PDE1C: variants seen among roughly 807,000 people sequenced by gnomAD.
PDE1C encodes dual specificity calcium/calmodulin-dependent 3',5'-cyclic nucleotide phosphodiesterase 1C.
Under a neutral mutation model 93.1 loss-of-function variants are expected in PDE1C, and 62 were observed. The ratio of observed to expected loss-of-function variants is 0.67; its 90% confidence interval spans 0.54 to 0.82. PDE1C has a LOEUF of 0.82. Ranked by LOEUF, PDE1C falls within the 40% of genes least tolerant of loss-of-function variation. The pLI is 0.00. For synonymous variants in PDE1C, 325 were observed against 310.1 expected, an observed-to-expected ratio of 1.05 and a Z score of -0.50; for missense variants, 742 against 884.6, an observed-to-expected ratio of 0.84 and a Z score of 2.04.
In PDE1C at chr7:31,880,790, A is replaced by G; in HGVS notation, c.199T>C (p.Tyr67His). 6.2e-7 allele frequency: 1 copy of G among 1,611,836 alleles called. No homozygotes were observed. The highest frequency in any genetic ancestry group is 1.3e-5 in the African/African-American group (1 of 75,026). The change falls in exon 3 of 18, where the codon TAT becomes CAT. Residue 67 changes from tyrosine (Y) to histidine (H), a missense_variant. Tyr to His is a moderately conservative substitution (Grantham distance 83). This residue lies in a region of PDE1C where 74 missense variants were observed against 88.2 expected (regional missense o/e 0.84). Coordinates refer to ENST00000396191, the MANE Select transcript of PDE1C (RefSeq NM_001191057.4). ...ACAGATTCAAGCACTGTGGCTGCAT[A>G]TTCCAAATTCTTCTTAAGATCTACC... ...SVVDLKKNLEYAATVLESVYI... is the reference protein window; with the variant it reads ...SVVDLKKNLEHAATVLESVYI...
intron 1 of PDE1C, among the ~76,000 whole-genome samples, chr7:32,334,536 C>T (rs796794967): frequency 1.3e-5 from 2 of 152,010 alleles, no homozygotes; most frequent in Admixed American, 6.6e-5. Flanking sequence ...ACCCATCACC[C>T]GGGCAGTATA....
At chr7:32,091,693 A>G (rs1206909560) in intron 3 of PDE1C, among the ~76,000 whole-genome samples, 1 of 152,176 alleles carries the variant, frequency 6.6e-6, no homozygotes, top group Non-Finnish European at 1.5e-5. Context: ...GAGAAAATGG[A>G]GGCTAAGCAA....
chr7:31,749,670 G>A (rs1562733959), downstream of PDE1C, among the ~76,000 whole-genome samples: 1 of 151,966 alleles, frequency 6.6e-6, no homozygotes, highest in Non-Finnish European at 1.5e-5. Context: ...GGTGCTTCGG[G>A]AATCCACAGC....
At chr7:32,053,589 T>C (rs963163530) in intron 1 of PDE1C, among the ~76,000 whole-genome samples, 1 of 152,190 alleles carries the variant, frequency 6.6e-6, no homozygotes, top group Non-Finnish European at 1.5e-5. Flanking sequence ...GCCCCTAGCC[T>C]CTACTCAGAA....
the PDE1C span, among the ~76,000 whole-genome samples, chr7:31,714,394 A>G: frequency 1.1e-4 from 16 of 152,146 alleles, no homozygotes; most frequent in African/African-American, 3.6e-4. Flanking sequence ...AAGTCATTCA[A>G]AAGTCTCTAG....
intron 1 of PDE1C, among the ~76,000 whole-genome samples, chr7:32,397,503 G>T (rs1784859489): frequency 6.6e-6 from 1 of 152,114 alleles, no homozygotes; most frequent in South Asian, 2.1e-4. Flanking sequence ...TTGTAGAGGA[G>T]AATTTGGCAA....
chr7:31,742,789 G>C, the PDE1C span, among the ~76,000 whole-genome samples: 1 of 152,142 alleles, frequency 6.6e-6, no homozygotes, highest in Non-Finnish European at 1.5e-5. Flanking sequence ...TGAGCACCTG[G>C]CCAGCCAATC....
intron 3 of PDE1C, among the ~76,000 whole-genome samples, chr7:32,152,153 T>C (rs917714749): frequency 6.6e-6 from 1 of 152,206 alleles, no homozygotes; most frequent in Non-Finnish European, 1.5e-5. Flanking sequence ...GACTCCATTC[T>C]CTGTGCTCCT....
At chr7:32,286,065 A>T (rs922717451) in intron 1 of PDE1C, among the ~76,000 whole-genome samples, 1 of 152,192 alleles carries the variant, frequency 6.6e-6, no homozygotes, top group Non-Finnish European at 1.5e-5. Flanking sequence ...TAATGTTTGT[A>T]AGAAAATGTA....
chr7:32,344,737 C>T (rs1783819281), intron 1 of PDE1C, among the ~76,000 whole-genome samples: 1 of 152,046 alleles, frequency 6.6e-6, no homozygotes, highest in African/African-American at 2.4e-5. Context: ...CATAATTTTC[C>T]TCCCTTTTTA....
chr7:31,928,965 C>T lies in PDE1C; in HGVS notation c.129-48105G>A, dbSNP rs186151292. ...ACCTTAAATGTAAATGGGCTAAATA[C>T]CCCAATTAAGAGACACAGACTGGCA... On this transcript the variant is annotated intron_variant, in intron 2 of 17. Coordinates refer to ENST00000396191, the MANE Select transcript of PDE1C (RefSeq NM_001191057.4). Among the ~76,000 whole-genome samples the T allele has an allele frequency of 2.5e-3, 385 of 152,152 alleles. 1 individual carries two copies. Among genetic ancestry groups the T allele is most frequent in the Non-Finnish European group, 3.9e-3 (268 of 67,998 alleles).
the PDE1C span, among the ~76,000 whole-genome samples, chr7:31,666,859 T>G: frequency 6.6e-6 from 1 of 152,250 alleles, no homozygotes; most frequent in South Asian, 2.1e-4. Flanking sequence ...TTACCAAATA[T>G]TTTCTCCAAG....
chr7:32,191,255 T>C (rs1181156399), intron 2 of PDE1C, among the ~76,000 whole-genome samples: 1 of 152,202 alleles, frequency 6.6e-6, no homozygotes, highest in Non-Finnish European at 1.5e-5. Context: ...CCCCCAGTGG[T>C]GACATTTTGT....
chr7:31,648,411 TTTTC>T, the PDE1C span, among the ~76,000 whole-genome samples: 5 of 152,132 alleles, frequency 3.3e-5, no homozygotes, highest in South Asian at 2.1e-4. Flanking sequence ...TCACCTACAG[TTTTC>T]TTTATTATGA....
chr7:32,132,762 T>C (rs1241790887), intron 3 of PDE1C, among the ~76,000 whole-genome samples: 2 of 152,076 alleles, frequency 1.3e-5, no homozygotes, highest in East Asian at 3.9e-4. Context: ...TCCAGTTCAG[T>C]TAGAAGGATA....
At chr7:31,961,038 A>G (rs192090856) in intron 2 of PDE1C, among the ~76,000 whole-genome samples, 1 of 152,166 alleles carries the variant, frequency 6.6e-6, no homozygotes, top group Non-Finnish European at 1.5e-5. Flanking sequence ...CTAAAGAAAT[A>G]GTAAAGAAAG....
chr7:31,627,044 G>A, the PDE1C span, among the ~76,000 whole-genome samples: 5 of 152,200 alleles, frequency 3.3e-5, no homozygotes, highest in African/African-American at 9.6e-5. Flanking sequence ...GTGTTCTGGA[G>A]TATTTCTTAT....
chr7:32,212,025 CAAAAAAAAAAAA>C (rs35827566), intron 1 of PDE1C, among the ~76,000 whole-genome samples: 44 of 81,282 alleles, frequency 5.4e-4, no homozygotes, highest in African/African-American at 1.9e-3. Context: ...GAACCTATCT[CAAAAAAAAAAAA>C]AAAAAAAAGA....
chr7:32,059,758 A>G (rs1794576082), intron 1 of PDE1C, among the ~76,000 whole-genome samples: 2 of 152,220 alleles, frequency 1.3e-5, no homozygotes, highest in Non-Finnish European at 2.9e-5. Context: ...AAAGCTGGGC[A>G]ATGAGCTAAT....
Sources: allele counts gnomAD v4.1 joint callset (sites outside exome capture counted in the v4.1 genomes callset), GRCh38; gene constraint gnomAD v4.1.1; regional missense constraint gnomAD v4.1.1; transcripts MANE v1.5; gene names NCBI Gene and HGNC (gene_info 2026-07-23, HGNC 2026-07-21).